Variants in SLC45A3 observed in about 807,000 individuals in gnomAD.
SLC45A3 encodes solute carrier family 45 member 3, also known as prostate cancer associated protein 2.
SLC45A3 carries 17 observed loss-of-function variants against 35.3 expected under a neutral mutation model. That is an observed-to-expected ratio of 0.48 (90% CI 0.33 to 0.72). The LOEUF (loss-of-function observed/expected upper bound fraction) is 0.72, where lower values mean the gene tolerates loss of function less well. Among genes scored for constraint, SLC45A3 ranks in the 30% least tolerant of loss-of-function variants. The probability of loss-of-function intolerance (pLI) is 0.02; values close to 1 mark genes in which losing one functional copy is unlikely to be tolerated. For missense variants in SLC45A3, 597 were observed against 731.7 expected (o/e 0.82, Z 2.12); for synonymous variants, 288 against 334.3 (o/e 0.86, Z 1.51).
At chr1:205,660,105 T>G (rs1056258562) in intron 4 of SLC45A3, among the ~76,000 whole-genome samples, 5 of 151,908 alleles carry the variant, frequency 3.3e-5, no homozygotes, top group Non-Finnish European at 1.5e-5. Context: ...TAACCTTCCT[T>G]CCTGCCTGCC....
chr1:205,680,208 G>T (rs1279646993), intron 1 of SLC45A3, among the ~76,000 whole-genome samples, 186 bp downstream of exon 1: 1 of 151,930 alleles, frequency 6.6e-6, no homozygotes. Context: ...CCCCGGCAGA[G>T]CGTGTGGGAC....
chr1:205,660,888 C>T (rs1007064042), intron 4 of SLC45A3, among the ~76,000 whole-genome samples: 1 of 152,206 alleles, frequency 6.6e-6, no homozygotes, highest in Admixed American at 6.5e-5. Flanking sequence ...AACCTTAGCC[C>T]CTCCCCTCCA....
At chr1:205,660,110 C>T (rs183242086) in intron 4 of SLC45A3, among the ~76,000 whole-genome samples, 1 of 152,262 alleles carries the variant, frequency 6.6e-6, no homozygotes, top group East Asian at 1.9e-4. Context: ...TTCCTTCCTG[C>T]CTGCCCTCCA....
In SLC45A3 at chr1:205,664,711, C is replaced by T. The variant is rs1410110419; in HGVS notation, c.-55G>A. On this transcript the variant is annotated 5_prime_UTR_variant, in exon 2 of 5. Coordinates refer to ENST00000367145, the MANE Select transcript of SLC45A3 (RefSeq NM_033102.3). This position sits in a 1 kb window ranked among gnomAD's most constrained non-coding sequence, Gnocchi z 5.3. Reference sequence around the variant, plus strand: ...CCGTTCAGGCACTCCAGAACTGCTTCGTCTCGGCTCTGCTCCAGAAGCTGC... The same window carrying T: ...CCGTTCAGGCACTCCAGAACTGCTTTGTCTCGGCTCTGCTCCAGAAGCTGC... The T allele has an allele frequency of 1.9e-6, 3 of 1,584,342 alleles. No individual in the cohort carries two copies. Among genetic ancestry groups the T allele is most frequent in the Non-Finnish European group, 8.6e-7 (1 of 1,165,074 alleles).
chr1:205,678,097 A>G (rs1478303747), intron 1 of SLC45A3, among the ~76,000 whole-genome samples: 1 of 152,124 alleles, frequency 6.6e-6, no homozygotes, highest in East Asian at 1.9e-4. Context: ...CGGGTGGATC[A>G]CCTGAGGTCA....
In SLC45A3 at chr1:205,669,536, A is replaced by G. The variant is rs1309301785; in HGVS notation, c.-230-4650T>C. Among the ~76,000 whole-genome samples, 2 of 152,164 alleles carry G rather than the reference A, an allele frequency of 1.3e-5. No individual in the cohort carries two copies. The highest frequency in any genetic ancestry group is 6.5e-5 in the Admixed American group (1 of 15,300). On this transcript the variant is annotated intron_variant, in intron 1 of 4. Transcript: ENST00000367145. The surrounding 1 kb of genome is among the most constrained non-coding windows in gnomAD (Gnocchi z 4.1). The stretch of plus-strand genomic sequence containing the variant: ...GACAGACAGAGGCCCGTGGAAGCCC[A>G]GGCTGGGGGCAGCCCCCACCCCGGG...
chr1:205,663,608 T>G lies in SLC45A3; in HGVS notation c.183A>C (p.Pro61=). The G allele has an allele frequency of 6.3e-7, 1 of 1,578,006 alleles. No homozygotes were observed. The highest frequency in any genetic ancestry group is 2.2e-5 in the East Asian group (1 of 44,470). The change falls in exon 3 of 5, where the codon CCA becomes CCC. Residue 61 remains proline (P), a synonymous_variant. Transcript: ENST00000367145. ...GCGGGACACAGACCAGGCCCAGCACTGGACCAATGCCTGCAAGAAGGGAAG... is the reference window on the plus strand; with the variant it reads ...GCGGGACACAGACCAGGCCCAGCACGGGACCAATGCCTGCAAGAAGGGAAG... ...KFMTMVLGIG[P]VLGLVCVPLL...
At chr1:205,672,176 G>A (rs1441696646) in intron 1 of SLC45A3, among the ~76,000 whole-genome samples, 1 of 152,082 alleles carries the variant, frequency 6.6e-6, no homozygotes, top group Non-Finnish European at 1.5e-5. Context: ...GTGGTTAGGG[G>A]AGACCAAGTA....
Position 205,662,049 on chromosome 1 carries a change from C to T in SLC45A3, c.1036G>A (p.Val346Met). The T allele has an allele frequency of 6.2e-7, 1 of 1,614,170 alleles. No homozygotes were observed. Among genetic ancestry groups the T allele is most frequent in the Non-Finnish European group, 8.5e-7 (1 of 1,180,040 alleles). Residue 346 changes from valine (V) to methionine (M), a missense_variant, in exon 4 of 5, where the codon GTG becomes ATG. Around this residue, in one of 3 missense-constraint regions of SLC45A3, gnomAD observed 555 missense variants for 664.9 expected, o/e 0.83. Transcript: ENST00000367145. The surrounding 1 kb of genome is among the most constrained non-coding windows in gnomAD (Gnocchi z 6.2). ...LVFSLVMDRL[V>M]QRFGTRAVYL... Reference sequence around the variant, plus strand: ...ACTGCTCGAGTGCCGAATCGCTGCACCAGCCGGTCCATGACCAGAGAGAAG... The same window carrying T: ...ACTGCTCGAGTGCCGAATCGCTGCATCAGCCGGTCCATGACCAGAGAGAAG...
chr1:205,672,659 GA>G (rs1431129026), intron 1 of SLC45A3, among the ~76,000 whole-genome samples: 1 of 152,176 alleles, frequency 6.6e-6, no homozygotes, highest in Non-Finnish European at 1.5e-5. Context: ...CGAACCATTT[GA>G]AAATGCTGGA....
chr1:205,668,925 C>T (rs557532654), intron 1 of SLC45A3, among the ~76,000 whole-genome samples: 5 of 152,192 alleles, frequency 3.3e-5, no homozygotes, highest in South Asian at 4.2e-4. Flanking sequence ...GACCAAGGGC[C>T]GTGGGCAAGG....
At chr1:205,680,152 C>G (rs1436811955) in intron 1 of SLC45A3, among the ~76,000 whole-genome samples, 2 of 151,536 alleles carry the variant, frequency 1.3e-5, no homozygotes, top group African/African-American at 4.8e-5. Flanking sequence ...CGGAAGAAAG[C>G]ACAGCTCAGC....
rs762668109 is a variant in SLC45A3 at position 205,664,606 on chromosome 1, C to G, written c.51G>C (p.Gln17His). The G allele has an allele frequency of 2.5e-6, 4 of 1,614,280 alleles. No individual in the cohort carries two copies. The highest frequency in any genetic ancestry group is 3.4e-6 in the Non-Finnish European group (4 of 1,180,046). ...AGGTTAGCAGGTTGACCAGCAAGAGCTGGGCTTTCCGGTGCCGCAGCAGGC... is the reference window on the plus strand; with the variant it reads ...AGGTTAGCAGGTTGACCAGCAAGAGGTGGGCTTTCCGGTGCCGCAGCAGGC... ...VSRLLRHRKA[Q>H]LLLVNLLTFG... The change falls in exon 2 of 5, where the codon CAG becomes CAC. Residue 17 changes from glutamine to histidine, a missense_variant. Physicochemically the swap from Gln to His is conservative, Grantham distance 24 (BLOSUM62 0). This residue lies in a region of SLC45A3 where 37 missense variants were observed against 41.1 expected (regional missense o/e 0.90). Coordinates refer to ENST00000367145, the MANE Select transcript of SLC45A3 (RefSeq NM_033102.3). The surrounding 1 kb of genome is among the most constrained non-coding windows in gnomAD (Gnocchi z 5.3).
intron 2 of SLC45A3, among the ~76,000 whole-genome samples, chr1:205,663,836 T>C (rs1196180788): frequency 6.6e-6 from 1 of 152,186 alleles, no homozygotes; most frequent in Non-Finnish European, 1.5e-5. Context: ...TAAGAAGTGA[T>C]ACTTATTCAA....
chr1:205,673,766 C>A (rs1671254382), intron 1 of SLC45A3, among the ~76,000 whole-genome samples: 2 of 152,320 alleles, frequency 1.3e-5, no homozygotes, highest in South Asian at 4.1e-4. Flanking sequence ...AGTGTGTTCT[C>A]AAAAACAGTC....
In SLC45A3 at chr1:205,664,756, C is replaced by T. The variant is rs374318040; in HGVS notation, c.-100G>A. The T allele has an allele frequency of 5.2e-5, 78 of 1,496,868 alleles. No individual in the cohort carries two copies. The African/African-American group carries it at 6.8e-4, about 13-fold the overall frequency. 92.7% of individuals were successfully genotyped at this position (1,496,868 alleles called of 1,614,324 possible). A position where few individuals can be genotyped will look rare whatever the true frequency, so the allele number is the denominator to read the frequency against. On this transcript the variant is annotated 5_prime_UTR_variant, in exon 2 of 5. Coordinates refer to ENST00000367145, the MANE Select transcript of SLC45A3 (RefSeq NM_033102.3). This position sits in a 1 kb window ranked among gnomAD's most constrained non-coding sequence, Gnocchi z 5.3. ...AGCTGCGGCCTCTCCTCCTTGCTGC[C>T]GCCAACTGCCTAGGAATCAGCCAGG...
chr1:205,660,480 C>T (rs1203078311), intron 4 of SLC45A3, among the ~76,000 whole-genome samples: 6 of 152,244 alleles, frequency 3.9e-5, no homozygotes, highest in African/African-American at 7.2e-5. Flanking sequence ...GCTGCATTTG[C>T]GAGGTGGGAG....
intron 4 of SLC45A3, among the ~76,000 whole-genome samples, chr1:205,661,599 T>C (rs1382663731): frequency 1.3e-5 from 2 of 152,190 alleles, no homozygotes; most frequent in Non-Finnish European, 2.9e-5. Context: ...CCCTTCGGGA[T>C]TCCCACTATC....
intron 2 of SLC45A3, 84 bp from the exon 3 acceptor site, chr1:205,663,702 G>T: frequency 1.5e-6 from 2 of 1,349,854 alleles, no homozygotes; most frequent in Non-Finnish European, 2.0e-6. Context: ...TGAGAAGGAT[G>T]GAAATAACAT....
Sources: allele counts gnomAD v4.1 joint callset (sites outside exome capture counted in the v4.1 genomes callset), GRCh38; gene constraint gnomAD v4.1.1; regional missense constraint gnomAD v4.1.1; non-coding constraint Gnocchi (gnomAD v3.1); transcripts MANE v1.5; gene names NCBI Gene and HGNC (gene_info 2026-07-23, HGNC 2026-07-21).